Variants in CATSPER2 observed in about 807,000 individuals in gnomAD.
CATSPER2 encodes cation channel sperm associated 2.
A neutral mutation model predicts 68.8 loss-of-function variants in CATSPER2; 56 were observed. The observed-to-expected ratio is 0.81, with a 90% CI of 0.66 to 1.02. The LOEUF (loss-of-function observed/expected upper bound fraction) is 1.02. Ranked by LOEUF, CATSPER2 falls within the 50% of genes least tolerant of loss-of-function variation. The pLI, the probability that CATSPER2 is intolerant of heterozygous loss-of-function variation, is 0.00. For missense variants in CATSPER2, 582 were observed against 642.0 expected, an observed-to-expected ratio of 0.91 and a Z score of 1.01; for synonymous variants, 198 against 229.9, an observed-to-expected ratio of 0.86 and a Z score of 1.26.
intron 10 of CATSPER2, chr15:43,633,301 C>G (rs1018772221): frequency 3.6e-5 from 11 of 309,680 alleles, no homozygotes; most frequent in Non-Finnish European, 6.1e-5. Context: ...AACACAGCAA[C>G]CAGAGTAATC....
At position 43,638,911 on chromosome 15, in the gene CATSPER2, AC is replaced by A. The variant is rs760511322; in HGVS notation, c.834del (p.Phe279SerfsTer10). 6 of 1,613,106 alleles carry A rather than the reference AC, an allele frequency of 3.7e-6. No individual in the cohort carries two copies. In the South Asian group the frequency reaches 6.6e-5, roughly 18 times the overall value. ...RSPRQDLEYH[V>X]FFSDLPNSLV... ...GTCCCCAGCTCTGCTTACGAGAAGA[AC>A]ACATGGTACTCCAGGTCCTGACGAG... On this transcript the variant is annotated frameshift_variant, in exon 7 of 13. Transcript: ENST00000396879. LOFTEE classifies it high-confidence loss of function.
intron 6 of CATSPER2, 157 bp downstream of exon 6, chr15:43,639,486 C>T (rs972294962): frequency 1.6e-5 from 16 of 991,272 alleles, no homozygotes; most frequent in Admixed American, 8.0e-5. Flanking sequence ...AGGCTGGTCT[C>T]GAACTCCTGA....
At chr15:43,636,908 T>C (rs2141558087) in intron 7 of CATSPER2, among the ~76,000 whole-genome samples, 1 of 151,296 alleles carries the variant, frequency 6.6e-6, no homozygotes. Flanking sequence ...CTTCAACCTC[T>C]GCACTCCAGG....
chr15:43,646,657 A>C (rs972475441), intron 4 of CATSPER2, among the ~76,000 whole-genome samples: 1 of 151,628 alleles, frequency 6.6e-6, no homozygotes, highest in African/African-American at 2.4e-5. Flanking sequence ...GACATTCAAA[A>C]ATGTAAAATG....
chr15:43,637,057 A>C (rs1358485975), intron 7 of CATSPER2, among the ~76,000 whole-genome samples: 1 of 151,766 alleles, frequency 6.6e-6, no homozygotes, highest in Admixed American at 6.6e-5. Context: ...CCCTAACCTC[A>C]AGTGATCTGC....
chr15:43,632,568 A>T, intron 11 of CATSPER2, 149 bp downstream of exon 11: 1 of 1,513,764 alleles, frequency 6.6e-7, no homozygotes, highest in Non-Finnish European at 9.1e-7. Context: ...GAAGAAGTAC[A>T]GGGGAAATTA....
chr15:43,641,431 A>G (rs2141569909), intron 4 of CATSPER2, among the ~76,000 whole-genome samples: 1 of 151,770 alleles, frequency 6.6e-6, no homozygotes. Flanking sequence ...TTATTTACTA[A>G]TTGCTATTCC....
At chr15:43,632,457 G>A (rs1367634070) in intron 11 of CATSPER2, 94 bp from the exon 12 acceptor site, 25 of 1,523,808 alleles carry the variant, frequency 1.6e-5, no homozygotes, top group Non-Finnish European at 2.1e-5. Flanking sequence ...AAGGTGGGGT[G>A]GAAAGAGGTA....
At chr15:43,645,725 C>T (rs1382753954) in intron 4 of CATSPER2, among the ~76,000 whole-genome samples, 2 of 151,670 alleles carry the variant, frequency 1.3e-5, no homozygotes, top group Non-Finnish European at 2.9e-5. Flanking sequence ...CCCTGGAGGT[C>T]GAGGCTGCAA....
In CATSPER2 at chr15:43,648,714, G is replaced by A; in HGVS notation, c.-88C>T. 1 of 1,494,680 alleles carries A rather than the reference G, an allele frequency of 6.7e-7. No individual in the cohort carries two copies. The highest frequency in any genetic ancestry group is 1.3e-5 in the South Asian group (1 of 79,554). 92.6% of individuals were successfully genotyped at this position (1,494,680 alleles called of 1,614,324 possible). On this transcript the variant is annotated 5_prime_UTR_variant, in exon 1 of 13. Transcript: ENST00000396879. ...GTGCCCCGAGCCTGGCTACCCCTAT[G>A]CAAGACGAGCTCAGGGCCGGCTCCC...
rs1380869771 is a variant in CATSPER2, at chr15:43,641,201, C to A, written c.389-705G>T. On this transcript the variant is annotated intron_variant, in intron 4 of 12. Coordinates refer to ENST00000396879, the MANE Select transcript of CATSPER2 (RefSeq NM_172095.4). ...GTGCGATCTTGTCTCACTGCAACCTCCACCTCCGGGGTTCAAGCAATTCTC... is the reference window on the plus strand; with the variant it reads ...GTGCGATCTTGTCTCACTGCAACCTACACCTCCGGGGTTCAAGCAATTCTC... 2.0e-5 allele frequency among the ~76,000 whole-genome samples: 3 copies of A among 151,192 alleles called. No individual in the cohort carries two copies. In the East Asian group the frequency reaches 5.8e-4, roughly 29 times the overall value.
At chr15:43,641,432 T>C (rs923438183) in intron 4 of CATSPER2, among the ~76,000 whole-genome samples, 3 of 151,840 alleles carry the variant, frequency 2.0e-5, no homozygotes, top group Admixed American at 6.6e-5. Flanking sequence ...TATTTACTAA[T>C]TGCTATTCCT....
intron 12 of CATSPER2, among the ~76,000 whole-genome samples, chr15:43,631,151 A>G (rs1331478413): frequency 6.6e-6 from 1 of 152,000 alleles, no homozygotes; most frequent in Non-Finnish European, 1.5e-5. Flanking sequence ...CTTATTTTCA[A>G]ACTGAGTTGA....
chr15:43,648,462 TG>T (rs1339546071), intron 1 of CATSPER2, among the ~76,000 whole-genome samples, 166 bp downstream of exon 1: 4 of 151,950 alleles, frequency 2.6e-5, no homozygotes, highest in African/African-American at 4.8e-5. Context: ...GAGGTGGAGT[TG>T]GGGGAGGTCT....
chr15:43,645,453 A>G lies in CATSPER2; in HGVS notation c.388+1597T>C, dbSNP rs187314786. ...CTGTTGAGGAAAATATCTGTGTGAA[A>G]TAAACAGCCAAGAGCTTCATAACTA... On this transcript the variant is annotated intron_variant, in intron 4 of 12. Coordinates refer to ENST00000396879, the MANE Select transcript of CATSPER2 (RefSeq NM_172095.4). Among the ~76,000 whole-genome samples, 154 of 151,968 alleles carry G rather than the reference A, an allele frequency of 1.0e-3. 1 individual carries two copies. Among genetic ancestry groups the G allele is most frequent in the Non-Finnish European group, 1.9e-3 (130 of 67,946 alleles).
chr15:43,641,052 C>T (rs979995915), intron 4 of CATSPER2, among the ~76,000 whole-genome samples: 1 of 151,944 alleles, frequency 6.6e-6, no homozygotes, highest in Non-Finnish European at 1.5e-5. Flanking sequence ...CTCTGCAAAG[C>T]AAACTGAATG....
chr15:43,630,521 AT>A lies in CATSPER2; in HGVS notation c.*179del. The stretch of plus-strand genomic sequence containing the variant: ...AAGCATCTGCCACCACACCCAGCTA[AT>A]TTTTTTGTATTTTTAGTAGAGACAG... On this transcript the variant is annotated 3_prime_UTR_variant, in exon 13 of 13. Transcript: ENST00000396879. 7 of 1,378,384 alleles carry A rather than the reference AT, an allele frequency of 5.1e-6. No individual in the cohort carries two copies. The highest frequency in any genetic ancestry group is 1.3e-5 in the South Asian group (1 of 74,642). 85.4% of individuals were successfully genotyped at this position (1,378,384 alleles called of 1,614,324 possible).
intron 4 of CATSPER2, among the ~76,000 whole-genome samples, chr15:43,644,932 G>C (rs936683581): frequency 1.1e-4 from 17 of 152,002 alleles, no homozygotes; most frequent in South Asian, 2.1e-4. Flanking sequence ...TTATAAGTAA[G>C]TTAGTTCAAA....
intron 4 of CATSPER2, among the ~76,000 whole-genome samples, chr15:43,646,342 C>A (rs938436814): frequency 6.6e-6 from 1 of 151,058 alleles, no homozygotes; most frequent in Non-Finnish European, 1.5e-5. Context: ...CTCACTGCAA[C>A]CTCGGCTTCC....
Sources: allele counts gnomAD v4.1 joint callset (sites outside exome capture counted in the v4.1 genomes callset), GRCh38; gene constraint gnomAD v4.1.1; transcripts MANE v1.5; gene names NCBI Gene and HGNC (gene_info 2026-07-23, HGNC 2026-07-21).